The following FOXN2 variants were observed in gnomAD, a reference collection of about 807,000 sequenced individuals.
FOXN2 encodes forkhead box protein N2.
FOXN2 carries 19 observed loss-of-function variants against 41.2 expected under a neutral mutation model. The ratio of observed to expected loss-of-function variants is 0.46; its 90% CI spans 0.32 to 0.68. FOXN2 has a LOEUF of 0.68. Among genes scored for constraint, FOXN2 ranks in the 30% least tolerant of loss-of-function variants. FOXN2 has a pLI of 0.03. For missense variants in FOXN2, 587 were observed against 509.4 expected (o/e 1.15, Z -1.47); for synonymous variants, 195 against 176.8 (o/e 1.10, Z -0.82).
At position 48,337,209 on chromosome 2, in the gene FOXN2, C is replaced by T. The variant is rs938483519; in HGVS notation, c.-15+8507C>T. ...GATTCTATGAATAAGTGAGAACATG[C>T]GACGTTTGTCTTTCTGTGTCTGGCT... On this transcript the variant is annotated intron_variant, in intron 2 of 6. Transcript: ENST00000340553. Among the ~76,000 whole-genome samples the T allele has an allele frequency of 4.0e-5, 6 of 151,838 alleles. No homozygotes were observed. The East Asian group carries it at 9.7e-4, about 24-fold the overall frequency.
chr2:48,375,470 T>A lies in FOXN2; in HGVS notation c.*27T>A. ...AATACTTAAAGTGTGGCAATACTCT[T>A]TCACTTAATTCTTTACAAGGGATAT... On this transcript the variant is annotated 3_prime_UTR_variant, in exon 7 of 7. Coordinates refer to ENST00000340553, the MANE Select transcript of FOXN2 (RefSeq NM_002158.4). 1 of 1,558,864 alleles carries A rather than the reference T, an allele frequency of 6.4e-7. No homozygotes were observed. Among genetic ancestry groups the A allele is most frequent in the Non-Finnish European group, 8.7e-7 (1 of 1,154,258 alleles).
chr2:48,364,928 A>T (rs1020093806), intron 5 of FOXN2, among the ~76,000 whole-genome samples: 1 of 152,222 alleles, frequency 6.6e-6, no homozygotes, highest in Admixed American at 6.5e-5. Flanking sequence ...ATGCTTGAAG[A>T]TATTTCTCCT....
chr2:48,370,387 C>G (rs1296927673), intron 5 of FOXN2, among the ~76,000 whole-genome samples: 2 of 152,170 alleles, frequency 1.3e-5, no homozygotes, highest in African/African-American at 2.4e-5. Context: ...ATCATTGATT[C>G]AAATCCTTTG....
chr2:48,333,714 G>T (rs914019011), intron 2 of FOXN2, among the ~76,000 whole-genome samples: 1 of 152,102 alleles, frequency 6.6e-6, no homozygotes, highest in Non-Finnish European at 1.5e-5. Context: ...AATCCAAAAT[G>T]CTCCAGAAGC....
rs80248469 is a variant in FOXN2 at position 48,353,416 on chromosome 2, A to G, written c.538-5631A>G. On this transcript the variant is annotated intron_variant, in intron 3 of 6. Transcript: ENST00000340553. ...AAGCATTTCCTGCTTTTTTGTACTCATTTTGTGTTTTTATAGCATTCTGTT... is the reference window on the plus strand; with the variant it reads ...AAGCATTTCCTGCTTTTTTGTACTCGTTTTGTGTTTTTATAGCATTCTGTT... Among the ~76,000 whole-genome samples, 470 of 152,002 alleles carry G rather than the reference A, an allele frequency of 3.1e-3. 16 individuals carry two copies. In the East Asian group the frequency reaches 0.077, roughly 25 times the overall value.
At chr2:48,347,155 T>C (rs1671158982) in intron 3 of FOXN2, among the ~76,000 whole-genome samples, 1 of 151,878 alleles carries the variant, frequency 6.6e-6, no homozygotes, top group South Asian at 2.1e-4. Flanking sequence ...TTTGATTTTC[T>C]TTTCCACTTT....
At chr2:48,339,778 T>C (rs1166846923) in intron 2 of FOXN2, among the ~76,000 whole-genome samples, 3 of 152,232 alleles carry the variant, frequency 2.0e-5, no homozygotes, top group African/African-American at 7.2e-5. Context: ...CTTTTAGATG[T>C]ATACTCAAGA....
At chr2:48,357,787 A>C (rs892792708) in intron 3 of FOXN2, among the ~76,000 whole-genome samples, 1 of 151,362 alleles carries the variant, frequency 6.6e-6, no homozygotes, top group Non-Finnish European at 1.5e-5. Context: ...CATTTGGTCC[A>C]GGTGACTGAA....
intron 4 of FOXN2, among the ~76,000 whole-genome samples, chr2:48,362,054 T>C (rs1270230478): frequency 6.6e-6 from 1 of 152,230 alleles, no homozygotes; most frequent in South Asian, 2.1e-4. Context: ...ACAGCCTATG[T>C]GGGAGATTTA....
rs185628053 is a variant in FOXN2, at chr2:48,348,785, A to G, written c.537+2034A>G. Among the ~76,000 whole-genome samples the G allele has an allele frequency of 8.4e-3, 1,277 of 152,354 alleles. 2 individuals are homozygous for G. The highest frequency in any genetic ancestry group is 0.013 in the Non-Finnish European group (907 of 68,024). On this transcript the variant is annotated intron_variant, in intron 3 of 6. Transcript: ENST00000340553. Reference sequence around the variant, plus strand: ...TGTGTTTAAAGTGAGGCCTGGAGCAATAGATGACTTTTTTGTCTCAGCATT... The same window carrying G: ...TGTGTTTAAAGTGAGGCCTGGAGCAGTAGATGACTTTTTTGTCTCAGCATT...
intron 2 of FOXN2, among the ~76,000 whole-genome samples, chr2:48,330,063 T>A (rs866585788): frequency 3.5e-4 from 53 of 152,008 alleles, no homozygotes; most frequent in Admixed American, 5.9e-4. Flanking sequence ...GAAAAAAAAA[T>A]AAATAAATAA....
intron 5 of FOXN2, among the ~76,000 whole-genome samples, chr2:48,369,154 T>C (rs1368510940): frequency 6.6e-6 from 1 of 152,246 alleles, no homozygotes; most frequent in East Asian, 1.9e-4. Flanking sequence ...TTCATGTAGC[T>C]TTCTTATGTT....
chr2:48,348,643 C>T (rs895623157), intron 3 of FOXN2, among the ~76,000 whole-genome samples: 8 of 152,188 alleles, frequency 5.3e-5, no homozygotes, highest in African/African-American at 1.7e-4. Flanking sequence ...TTAGTGTGAA[C>T]AGGTATTGGT....
chr2:48,336,436 T>C (rs1011428727), intron 2 of FOXN2, among the ~76,000 whole-genome samples: 2 of 111,008 alleles, frequency 1.8e-5, no homozygotes, highest in Non-Finnish European at 3.7e-5. Context: ...TATATGTATA[T>C]GTGTGTGTGT....
Position 48,346,539 on chromosome 2 carries a change from G to A in FOXN2, c.325G>A (p.Ala109Thr). Residue 109 changes from alanine (A) to threonine (T), a missense_variant, in exon 3 of 7, where the codon GCG becomes ACG. Physicochemically the swap from Ala to Thr is moderately conservative, Grantham distance 58 (BLOSUM62 0). Coordinates refer to ENST00000340553, the MANE Select transcript of FOXN2 (RefSeq NM_002158.4). Reference protein sequence around the residue: ...ACYQNPEKKSATSKPPYSFSL... With the variant: ...ACYQNPEKKSTTSKPPYSFSL... ...CTACCAGAACCCAGAAAAAAAATCA[G>A]CGACTTCAAAGCCCCCATACTCCTT... The A allele has an allele frequency of 5.0e-6, 8 of 1,613,472 alleles. No individual in the cohort carries two copies. Among genetic ancestry groups the A allele is most frequent in the Non-Finnish European group, 6.8e-6 (8 of 1,179,778 alleles).
intron 6 of FOXN2, 43 bp from the exon 7 acceptor site, chr2:48,374,877 C>T (rs1419162953): frequency 6.5e-7 from 1 of 1,530,084 alleles, no homozygotes; most frequent in African/African-American, 1.4e-5. Flanking sequence ...GTTTTTGCAA[C>T]CAAACACATT....
At chr2:48,339,723 G>C (rs1482070236) in intron 2 of FOXN2, among the ~76,000 whole-genome samples, 1 of 152,094 alleles carries the variant, frequency 6.6e-6, no homozygotes, top group Non-Finnish European at 1.5e-5. Context: ...TAAAGTTGAA[G>C]GCTATTCTGT....
chr2:48,339,431 C>T (rs1670590338), intron 2 of FOXN2, among the ~76,000 whole-genome samples: 1 of 152,272 alleles, frequency 6.6e-6, no homozygotes, highest in South Asian at 2.1e-4. Context: ...ACTTCTCTCT[C>T]CTGCCACCAT....
chr2:48,357,661 TC>T (rs1671891293), intron 3 of FOXN2, among the ~76,000 whole-genome samples: 1 of 151,992 alleles, frequency 6.6e-6, no homozygotes, highest in African/African-American at 2.4e-5. Flanking sequence ...GCTCTTGAAC[TC>T]CTGAGCACAA....
Sources: gnomAD v4.1 joint callset for allele counts (sites outside exome capture counted in the v4.1 genomes callset) on GRCh38, gnomAD v4.1.1 for gene constraint, MANE v1.5 for transcripts, NCBI Gene and HGNC (gene_info 2026-07-23, HGNC 2026-07-21) for gene names.